The following KCNJ3 variants were observed in gnomAD, a reference collection of about 807,000 sequenced individuals.
The protein encoded by KCNJ3 is potassium inwardly rectifying channel subfamily J member 3.
KCNJ3 carries 4 observed loss-of-function variants against 39.2 expected under a neutral mutation model. The observed-to-expected ratio is 0.10, with a 90% CI of 0.05 to 0.23. KCNJ3 has a LOEUF of 0.23. KCNJ3 is among the 10% of genes least tolerant of loss of function. The probability of loss-of-function intolerance (pLI) is 1.00; values close to 1 mark genes in which losing one functional copy is unlikely to be tolerated. For missense variants in KCNJ3, 276 were observed against 634.9 expected (o/e 0.43, Z 6.08); for synonymous variants, 230 against 237.4 (o/e 0.97, Z 0.29).
intron 2 of KCNJ3, among the ~76,000 whole-genome samples, chr2:154,760,380 T>G (rs1686016658): frequency 6.6e-6 from 1 of 152,182 alleles, no homozygotes. Flanking sequence ...CTCTAAGTTT[T>G]GGGCTTTAAA....
rs776734520 is a variant in KCNJ3 at position 154,699,372 on chromosome 2, C to T, written c.597C>T (p.His199=). 2.0e-5 allele frequency: 32 copies of T among 1,611,724 alleles called. No homozygotes were observed. The South Asian group carries it at 3.3e-4, about 17-fold the overall frequency. Residue 199 remains histidine, a synonymous_variant, in exon 1 of 3, where the codon CAC becomes CAT. Transcript: ENST00000295101. The surrounding 1 kb of genome is among the most constrained non-coding windows in gnomAD (Gnocchi z 6.4). The part of the protein sequence containing the change: ...KRAETLMFSE[H]AVISMRDGKL... ...CCGAGACCCTCATGTTCAGCGAGCACGCGGTGATCTCCATGAGGGACGGAA... is the reference window on the plus strand; with the variant it reads ...CCGAGACCCTCATGTTCAGCGAGCATGCGGTGATCTCCATGAGGGACGGAA...
rs1389336037 is a variant in KCNJ3, at chr2:154,698,808, T to C, written c.33T>C (p.Asp11=). The C allele has an allele frequency of 1.9e-6, 3 of 1,611,692 alleles. No homozygotes were observed. In the African/African-American group the frequency reaches 4.0e-5, roughly 22 times the overall value. The part of the protein sequence containing the change: MSALRRKFGD[D]YQVVTTSSSG... The stretch of plus-strand genomic sequence containing the variant: ...CACTCCGAAGGAAATTTGGGGACGA[T>C]TATCAGGTAGTGACCACATCGTCCA... Residue 11 remains aspartate (D), a synonymous_variant, in exon 1 of 3, where the codon GAT becomes GAC. Coordinates refer to ENST00000295101, the MANE Select transcript of KCNJ3 (RefSeq NM_002239.4).
intron 2 of KCNJ3, among the ~76,000 whole-genome samples, chr2:154,790,957 A>G (rs1686618498): frequency 6.6e-6 from 1 of 152,130 alleles, no homozygotes; most frequent in South Asian, 2.1e-4. Flanking sequence ...TTGTGTTTCA[A>G]CAATCTTAGT....
intron 2 of KCNJ3, among the ~76,000 whole-genome samples, chr2:154,726,905 C>T (rs771438368): frequency 6.6e-6 from 1 of 151,510 alleles, no homozygotes; most frequent in Non-Finnish European, 1.5e-5. Flanking sequence ...CAGGATGGAA[C>T]TCAAACTCAG....
At chr2:154,822,672 A>C (rs1687204117) in intron 2 of KCNJ3, among the ~76,000 whole-genome samples, 1 of 152,136 alleles carries the variant, frequency 6.6e-6, no homozygotes. Context: ...TCATTCCTCC[A>C]AGTAAATGAA....
intron 2 of KCNJ3, among the ~76,000 whole-genome samples, chr2:154,724,935 A>ATATATATATATATATACC (rs1162528016): frequency 3.4e-5 from 5 of 147,312 alleles, no homozygotes; most frequent in African/African-American, 5.0e-5. Context: ...ATATATATAT[A>ATATATATATATATATACC]TACCTTTGAT....
chr2:154,838,425 C>T (rs1477151521), intron 2 of KCNJ3, among the ~76,000 whole-genome samples: 8 of 152,132 alleles, frequency 5.3e-5, no homozygotes, highest in Admixed American at 5.2e-4. Flanking sequence ...AGTGACTTTA[C>T]CTCCCTGTAC....
chr2:154,766,474 C>T (rs1686138134), intron 2 of KCNJ3, among the ~76,000 whole-genome samples: 1 of 151,822 alleles, frequency 6.6e-6, no homozygotes, highest in African/African-American at 2.4e-5. Context: ...AGAGGCTTTT[C>T]CAGGTTACCC....
intron 2 of KCNJ3, among the ~76,000 whole-genome samples, chr2:154,746,225 A>G (rs1456252567): frequency 6.6e-6 from 1 of 151,986 alleles, no homozygotes; most frequent in Non-Finnish European, 1.5e-5. Context: ...TAACATTAAA[A>G]TATTTGTTAA....
rs35965372 is a variant in KCNJ3, at chr2:154,722,130, A to ATT, written c.919+12322_919+12323dup. On this transcript the variant is annotated intron_variant, in intron 2 of 2. Transcript: ENST00000295101. ...CCTTCTCTTGAACAAAACTACAAAG[A>ATT]TTTTTTTTTTTTGCAGCAAATACAC... 5.2e-3 allele frequency among the ~76,000 whole-genome samples: 775 copies of ATT among 148,796 alleles called. 10 individuals carry two copies. The highest frequency in any genetic ancestry group is 0.017 in the African/African-American group (695 of 40,708).
intron 2 of KCNJ3, among the ~76,000 whole-genome samples, chr2:154,848,611 TTTA>T (rs1320817020): frequency 6.6e-6 from 1 of 152,202 alleles, no homozygotes; most frequent in African/African-American, 2.4e-5. Flanking sequence ...ATCACTAATA[TTTA>T]TTAAGACATT....
intron 2 of KCNJ3, among the ~76,000 whole-genome samples, chr2:154,730,386 G>GTT (rs1173989818): frequency 1.3e-5 from 2 of 151,986 alleles, no homozygotes; most frequent in Non-Finnish European, 2.9e-5. Context: ...GCTCAGCCAA[G>GTT]TTTTAAAAGT....
chr2:154,784,650 G>A (rs1686495333), intron 2 of KCNJ3, among the ~76,000 whole-genome samples: 1 of 152,024 alleles, frequency 6.6e-6, no homozygotes, highest in Non-Finnish European at 1.5e-5. Context: ...CAAAGTGCTG[G>A]GATTATAGAC....
At chr2:154,797,441 G>A (rs1383776488) in intron 2 of KCNJ3, among the ~76,000 whole-genome samples, 6 of 152,080 alleles carry the variant, frequency 3.9e-5, no homozygotes, top group Non-Finnish European at 5.9e-5. Flanking sequence ...AAAATAAGAA[G>A]TGAAATTCTT....
chr2:154,854,154 G>T (rs528049568), intron 2 of KCNJ3, among the ~76,000 whole-genome samples: 3 of 152,042 alleles, frequency 2.0e-5, no homozygotes, highest in African/African-American at 7.2e-5. Context: ...AAAGGTAAGC[G>T]TCCATTAATT....
intron 2 of KCNJ3, among the ~76,000 whole-genome samples, chr2:154,823,498 T>C (rs1687218753): frequency 6.6e-6 from 1 of 152,060 alleles, no homozygotes; most frequent in Non-Finnish European, 1.5e-5. Context: ...AACCAGCAGG[T>C]ATTTAGAGCA....
chr2:154,801,035 T>C (rs1411194684), intron 2 of KCNJ3, among the ~76,000 whole-genome samples: 1 of 152,138 alleles, frequency 6.6e-6, no homozygotes, highest in Non-Finnish European at 1.5e-5. Context: ...ACAGTCTCAC[T>C]TTTTTAAAGC....
At position 154,709,583 on chromosome 2, in the gene KCNJ3, T is replaced by TTTTC; in HGVS notation, c.703-18_703-15dup. ...CAGTACAAGTGGTGATTTCTTCTCT[T>TTTTC]TTTCTGTGTGCTTGTCTAGTCTCGG... On this transcript the variant is annotated intron_variant, in intron 1 of 2. Transcript: ENST00000295101. The TTTTC allele has an allele frequency of 1.9e-6, 3 of 1,606,572 alleles. No homozygotes were observed. Among genetic ancestry groups the TTTTC allele is most frequent in the Non-Finnish European group, 2.6e-6 (3 of 1,175,700 alleles).
chr2:154,757,863 C>A (rs1436409716), intron 2 of KCNJ3, among the ~76,000 whole-genome samples: 1 of 152,082 alleles, frequency 6.6e-6, no homozygotes, highest in East Asian at 1.9e-4. Context: ...GGGTACTAAT[C>A]CCATTCATGA....
Sources: gnomAD v4.1 joint callset for allele counts (sites outside exome capture counted in the v4.1 genomes callset) on GRCh38, gnomAD v4.1.1 for gene constraint, Gnocchi (gnomAD v3.1) non-coding constraint, MANE v1.5 for transcripts, NCBI Gene and HGNC (gene_info 2026-07-23, HGNC 2026-07-21) for gene names.